Variants in PIK3C2A observed in about 807,000 individuals in gnomAD.
PIK3C2A encodes phosphatidylinositol-4-phosphate 3-kinase catalytic subunit type 2 alpha, also known as phosphatidylinositol 4-phosphate 3-kinase C2 domain-containing subunit alpha.
In PIK3C2A, 97 loss-of-function variants were observed where a neutral mutation model predicts 204.5. That is an observed-to-expected ratio of 0.47 (90% confidence interval 0.40 to 0.56). PIK3C2A has a LOEUF of 0.56. Ranked by LOEUF, PIK3C2A falls within the 20% of genes least tolerant of loss-of-function variation. The pLI, the probability that PIK3C2A is intolerant of heterozygous loss-of-function variation, is 0.00. For synonymous variants in PIK3C2A, 653 were observed against 664.4 expected, an observed-to-expected ratio of 0.98 and a Z score of 0.26; for missense variants, 1,735 against 1,969.2, an observed-to-expected ratio of 0.88 and a Z score of 2.25.
chr11:17,167,357 T>C (rs1276095498), intron 2 of PIK3C2A, among the ~76,000 whole-genome samples: 3 of 152,134 alleles, frequency 2.0e-5, no homozygotes, highest in South Asian at 2.1e-4. Flanking sequence ...GCATGGTGGC[T>C]CACGCCTGTA....
intron 30 of PIK3C2A, 139 bp from the exon 31 acceptor site, chr11:17,091,795 G>C: frequency 1.5e-6 from 1 of 664,744 alleles, no homozygotes; most frequent in South Asian, 1.9e-5. Flanking sequence ...CAACCTGATA[G>C]GTCATTGATT....
chr11:17,167,038 A>G (rs944324098), intron 2 of PIK3C2A, among the ~76,000 whole-genome samples: 1 of 151,774 alleles, frequency 6.6e-6, no homozygotes, highest in Non-Finnish European at 1.5e-5. Flanking sequence ...TGGTACAATC[A>G]TGGGTCACAG....
chr11:17,127,843 G>C (rs1849571711), intron 13 of PIK3C2A, among the ~76,000 whole-genome samples: 1 of 152,032 alleles, frequency 6.6e-6, no homozygotes, highest in Non-Finnish European at 1.5e-5. Context: ...AGGGACACAA[G>C]GTTTCAAAAG....
At chr11:17,193,321 A>T (rs553950397) in intron 1 of PIK3C2A, among the ~76,000 whole-genome samples, 159 of 152,354 alleles carry the variant, frequency 1.0e-3, no homozygotes, top group African/African-American at 3.7e-3. Flanking sequence ...TTAGAAACTG[A>T]AATTCCCTGA....
At chr11:17,145,022 T>C (rs1478067548) in intron 8 of PIK3C2A, among the ~76,000 whole-genome samples, 3 of 152,148 alleles carry the variant, frequency 2.0e-5, no homozygotes. Context: ...ACGGCTGTAT[T>C]TACCCCACGC....
chr11:17,174,383 C>A (rs1256292221), intron 1 of PIK3C2A, among the ~76,000 whole-genome samples: 1 of 77,918 alleles, frequency 1.3e-5, no homozygotes, highest in Non-Finnish European at 2.4e-5. Context: ...GTCAGGAGAT[C>A]GAGACCATCC....
At chr11:17,162,958 A>T (rs1440488547) in intron 2 of PIK3C2A, among the ~76,000 whole-genome samples, 1 of 152,176 alleles carries the variant, frequency 6.6e-6, no homozygotes, top group Non-Finnish European at 1.5e-5. Context: ...AACAGATTTT[A>T]AAATTAAGCT....
At chr11:17,181,814 G>A (rs982676089) in intron 1 of PIK3C2A, among the ~76,000 whole-genome samples, 5 of 151,750 alleles carry the variant, frequency 3.3e-5, no homozygotes, top group African/African-American at 1.2e-4. Flanking sequence ...TAGAATAGCC[G>A]GGCACAGTGG....
intron 1 of PIK3C2A, among the ~76,000 whole-genome samples, chr11:17,187,760 A>G (rs980706067): frequency 3.3e-5 from 5 of 152,072 alleles, no homozygotes; most frequent in African/African-American, 1.2e-4. Flanking sequence ...ATTCGGGGAA[A>G]AAGACTGAGA....
intron 1 of PIK3C2A, among the ~76,000 whole-genome samples, chr11:17,174,224 A>T (rs901307804): frequency 3.3e-5 from 5 of 152,210 alleles, no homozygotes. Context: ...AGGAAAAATA[A>T]ATCAAGTGTA....
chr11:17,200,413 CT>C (rs1206745477), intron 1 of PIK3C2A, among the ~76,000 whole-genome samples: 1 of 150,830 alleles, frequency 6.6e-6, no homozygotes. Context: ...TTTCTATAAA[CT>C]TTCTAAAAAA....
chr11:17,190,829 G>A (rs1283766654), intron 1 of PIK3C2A, among the ~76,000 whole-genome samples: 2 of 152,088 alleles, frequency 1.3e-5, no homozygotes, highest in Non-Finnish European at 2.9e-5. Flanking sequence ...ACAACAGCAT[G>A]TCTAAGTTCT....
At chr11:17,173,658 A>G (rs1209982731) in intron 1 of PIK3C2A, among the ~76,000 whole-genome samples, 1 of 152,208 alleles carries the variant, frequency 6.6e-6, no homozygotes, top group Non-Finnish European at 1.5e-5. Flanking sequence ...TTAACACAGA[A>G]TCTGTGAACC....
intron 2 of PIK3C2A, among the ~76,000 whole-genome samples, chr11:17,165,782 G>A (rs1850923795): frequency 2.5e-5 from 2 of 78,844 alleles, no homozygotes; most frequent in East Asian, 1.2e-3. Flanking sequence ...TCAAAAAAGT[G>A]AAAAAAAAAA....
In PIK3C2A at chr11:17,110,601, A is replaced by G. The variant is rs757910044; in HGVS notation, c.3415-40T>C. 5.1e-6 allele frequency: 8 copies of G among 1,581,218 alleles called. No individual in the cohort carries two copies. The South Asian group carries it at 8.0e-5, about 16-fold the overall frequency. ...AACAAAATGAAACTTGTACATCTCC[A>G]AAAGACTTAACAGATTACATACTAT... On this transcript the variant is annotated intron_variant, in intron 21 of 32. Transcript: ENST00000691414.
intron 1 of PIK3C2A, among the ~76,000 whole-genome samples, chr11:17,197,299 C>T (rs1210538971): frequency 6.6e-6 from 1 of 152,170 alleles, no homozygotes; most frequent in Non-Finnish European, 1.5e-5. Flanking sequence ...GGACTACAGG[C>T]ATGAGCCACC....
chr11:17,146,038 C>T (rs773715816), intron 6 of PIK3C2A, 96 bp from the exon 7 acceptor site: 10 of 805,812 alleles, frequency 1.2e-5, no homozygotes, highest in Non-Finnish European at 2.0e-5. Flanking sequence ...AATCTTGCAA[C>T]TAAAGTGTTT....
chr11:17,153,885 A>G (rs549474473), intron 3 of PIK3C2A, among the ~76,000 whole-genome samples: 1 of 152,314 alleles, frequency 6.6e-6, no homozygotes, highest in Admixed American at 6.5e-5. Flanking sequence ...CAGAGCCACT[A>G]ATTTCAAAGT....
At chr11:17,146,891 A>G (rs1850261897) in intron 6 of PIK3C2A, among the ~76,000 whole-genome samples, 2 of 152,184 alleles carry the variant, frequency 1.3e-5, no homozygotes, top group African/African-American at 4.8e-5. Context: ...AGCAGACATC[A>G]CTGATATTTT....
Sources: gnomAD v4.1 joint callset for allele counts (sites outside exome capture counted in the v4.1 genomes callset) on GRCh38, gnomAD v4.1.1 for gene constraint, MANE v1.5 for transcripts, NCBI Gene and HGNC (gene_info 2026-07-23, HGNC 2026-07-21) for gene names.